The following TMEM50A variants were observed in gnomAD, a reference collection of about 807,000 sequenced individuals.
The protein encoded by TMEM50A is transmembrane protein 50A.
TMEM50A carries 8 observed loss-of-function variants against 23.9 expected under a neutral mutation model. The ratio of observed to expected loss-of-function variants is 0.33; its 90% CI spans 0.20 to 0.60. The LOEUF is 0.60. TMEM50A is among the 20% of genes least tolerant of loss of function. The pLI is 0.81. For synonymous variants in TMEM50A, 55 were observed against 60.4 expected (o/e 0.91, Z 0.41); for missense variants, 178 against 192.7 (o/e 0.92, Z 0.45).
At chr1:25,341,357 C>G (rs943245048) in intron 2 of TMEM50A, among the ~76,000 whole-genome samples, 15 of 152,130 alleles carry the variant, frequency 9.9e-5, no homozygotes, top group African/African-American at 2.6e-4. Flanking sequence ...TCCCGGGGTT[C>G]ACGCCATTCT....
chr1:25,341,741 C>G (rs190713720), intron 2 of TMEM50A, among the ~76,000 whole-genome samples: 4 of 152,268 alleles, frequency 2.6e-5, no homozygotes, highest in Admixed American at 2.6e-4. Flanking sequence ...GTCTCCCAGG[C>G]TGGAGTACAG....
intron 3 of TMEM50A, among the ~76,000 whole-genome samples, chr1:25,350,208 T>C (rs986564255): frequency 4.6e-5 from 7 of 152,196 alleles, no homozygotes; most frequent in African/African-American, 1.7e-4. Flanking sequence ...ACAAAAAAAT[T>C]TATTCCAAAG....
chr1:25,357,609 AGTGTGTGTGTGTGT>A lies in TMEM50A; in HGVS notation c.428+783_428+796del, dbSNP rs60773283. 4.2e-4 allele frequency among the ~76,000 whole-genome samples: 47 copies of A among 111,532 alleles called. No homozygotes were observed. In the East Asian group the frequency reaches 5.5e-3, roughly 13 times the overall value. 73.2% of individuals were successfully genotyped at this position (111,532 alleles called of 152,430 possible). A position where few individuals can be genotyped will look rare whatever the true frequency, so the allele number is the denominator to read the frequency against. On this transcript the variant is annotated intron_variant, in intron 6 of 6. Transcript: ENST00000374358. ...GAGACAGAGTCTCAGTCTCTCACCC[AGTGTGTGTGTGTGT>A]GTGTGTGTGTGTGTGTGTGTGTGTG...
intron 2 of TMEM50A, among the ~76,000 whole-genome samples, chr1:25,341,734 T>A (rs1434243681): frequency 3.3e-5 from 5 of 151,754 alleles, no homozygotes; most frequent in Non-Finnish European, 7.4e-5. Flanking sequence ...TCACTCTGTC[T>A]CCCAGGCTGG....
At position 25,351,709 on chromosome 1, in the gene TMEM50A, C is replaced by CAGCA. The variant is rs763067760; in HGVS notation, c.274+17_274+20dup. ...GGTCAAACAGGTAAATAGGTGCAAA[C>CAGCA]AGCATCTTATTATACATGCTTAAAT... On this transcript the variant is annotated intron_variant, in intron 4 of 6. Coordinates refer to ENST00000374358, the MANE Select transcript of TMEM50A (RefSeq NM_014313.4). 2 of 1,605,696 alleles carry CAGCA rather than the reference C, an allele frequency of 1.2e-6. No homozygotes were observed. Among genetic ancestry groups the CAGCA allele is most frequent in the African/African-American group, 2.7e-5 (2 of 74,546 alleles).
intron 3 of TMEM50A, among the ~76,000 whole-genome samples, chr1:25,346,711 T>TA (rs745700120): frequency 6.6e-6 from 1 of 152,052 alleles, no homozygotes; most frequent in African/African-American, 2.4e-5. Context: ...TTTATTATTT[T>TA]AAAAATGTAA....
At chr1:25,359,124 C>A (rs938986898) in intron 6 of TMEM50A, among the ~76,000 whole-genome samples, 1 of 152,184 alleles carries the variant, frequency 6.6e-6, no homozygotes, top group East Asian at 1.9e-4. Context: ...AGGCAGGCAT[C>A]CCCATAGAGC....
intron 5 of TMEM50A, among the ~76,000 whole-genome samples, chr1:25,353,795 A>G (rs1362643522): frequency 6.6e-6 from 1 of 152,234 alleles, no homozygotes. Context: ...TATGGGTGTC[A>G]TAGTAAAAAT....
At chr1:25,345,316 C>T (rs750628930) in intron 3 of TMEM50A, among the ~76,000 whole-genome samples, 103 of 152,292 alleles carry the variant, frequency 6.8e-4, no homozygotes, top group Non-Finnish European at 1.3e-3. Context: ...CGCAATGGCT[C>T]ACGCCTGTAA....
chr1:25,351,147 A>G (rs1222031878), intron 3 of TMEM50A, among the ~76,000 whole-genome samples: 2 of 149,932 alleles, frequency 1.3e-5, no homozygotes, highest in Non-Finnish European at 3.0e-5. Flanking sequence ...CCTGGGAGAC[A>G]GAGCGAGACT....
rs759877707 is a variant in TMEM50A, at chr1:25,356,869, ATTCT to A, written c.428+19_428+22del. 5 of 1,568,602 alleles carry A rather than the reference ATTCT, an allele frequency of 3.2e-6. No homozygotes were observed. Among genetic ancestry groups the A allele is most frequent in the African/African-American group, 2.8e-5 (2 of 72,326 alleles). ...TCTTTTTTGGGTAAGTTTGTTTTGC[ATTCT>A]TTATGTTTGTTTGTTTTTTTTTAAA... On this transcript the variant is annotated intron_variant, in intron 6 of 6. Coordinates refer to ENST00000374358, the MANE Select transcript of TMEM50A (RefSeq NM_014313.4).
intron 3 of TMEM50A, among the ~76,000 whole-genome samples, chr1:25,350,977 C>T (rs1351946392): frequency 2.6e-5 from 4 of 151,166 alleles, no homozygotes; most frequent in Admixed American, 6.6e-5. Context: ...CTGGCTAACA[C>T]GGTGAAACCC....
chr1:25,345,120 CT>C (rs775789415), intron 3 of TMEM50A, among the ~76,000 whole-genome samples: 4,564 of 117,448 alleles, frequency 0.039, 154 homozygotes, highest in African/African-American at 0.11. Flanking sequence ...ACCACATCTT[CT>C]TTTTTTTTTT....
At chr1:25,350,845 C>T (rs1645267877) in intron 3 of TMEM50A, among the ~76,000 whole-genome samples, 1 of 152,110 alleles carries the variant, frequency 6.6e-6, no homozygotes, top group Admixed American at 6.5e-5. Flanking sequence ...ATTCCGCTAG[C>T]CTGGGGCCCA....
rs1645157202 is a variant in TMEM50A at position 25,340,563 on chromosome 1, T to C, written c.77T>C (p.Ile26Thr). ...GAAAAGCGCAATACTATTGCTTCCA[T>C]TGCTGCTGGTGTACTAGTAAGTGTC... The part of the protein sequence containing the change: ...WGEKRNTIAS[I>T]AAGVLFFTGW... Residue 26 changes from isoleucine (I) to threonine (T), a missense_variant, in exon 2 of 7, where the codon ATT becomes ACT. By Grantham distance (89) the Ile-to-Thr change is moderately conservative. Transcript: ENST00000374358. 3 of 1,613,598 alleles carry C rather than the reference T, an allele frequency of 1.9e-6. No homozygotes were observed. The Admixed American group carries it at 5.0e-5, about 27-fold the overall frequency.
chr1:25,340,083 TGCGCC>T (rs1194397766), intron 1 of TMEM50A, among the ~76,000 whole-genome samples: 2 of 151,988 alleles, frequency 1.3e-5, no homozygotes, highest in Non-Finnish European at 2.9e-5. Context: ...ATTACAGACA[TGCGCC>T]ACCACCCCCG....
At chr1:25,341,250 T>G (rs1433137230) in intron 2 of TMEM50A, among the ~76,000 whole-genome samples, 1 of 151,774 alleles carries the variant, frequency 6.6e-6, no homozygotes, top group Non-Finnish European at 1.5e-5. Flanking sequence ...TTGTTGTTGT[T>G]GTTTTTGTTT....
At chr1:25,343,478 G>A (rs1396258445) in intron 3 of TMEM50A, among the ~76,000 whole-genome samples, 1 of 152,122 alleles carries the variant, frequency 6.6e-6, no homozygotes, top group African/African-American at 2.4e-5. Flanking sequence ...TTTAAAATAA[G>A]TGCAAAGGAG....
chr1:25,362,360 A>C lies in TMEM50A; in HGVS notation c.*1655A>C. The C allele has an allele frequency of 6.8e-7, 1 of 1,470,480 alleles. No homozygotes were observed. The highest frequency in any genetic ancestry group is 2.1e-5 in the Admixed American group (1 of 47,166). 91.1% of individuals were successfully genotyped at this position (1,470,480 alleles called of 1,614,324 possible). On this transcript the variant is annotated 3_prime_UTR_variant, in exon 7 of 7. Transcript: ENST00000374358. ...AACTTATTAAATTGACTCTTAAACT[A>C]AGTTTTTAGTCTTTAATTTTTTAAT...
Sources: allele counts gnomAD v4.1 joint callset (sites outside exome capture counted in the v4.1 genomes callset), GRCh38; gene constraint gnomAD v4.1.1; transcripts MANE v1.5; gene names NCBI Gene and HGNC (gene_info 2026-07-23, HGNC 2026-07-21).